Variants in CDC42 observed in about 807,000 individuals in gnomAD.
CDC42 encodes the protein cell division control protein 42 homolog.
Under a neutral mutation model 20.8 loss-of-function variants are expected in CDC42, and 1 was observed. The ratio of observed to expected loss-of-function variants is 0.05; its 90% CI spans 0.02 to 0.23. CDC42 has a LOEUF of 0.23. Ranked by LOEUF, CDC42 falls within the 10% of genes least tolerant of loss-of-function variation. The probability of loss-of-function intolerance (pLI) is 1.00; values close to 1 mark genes in which losing one functional copy is unlikely to be tolerated. For synonymous variants in CDC42, 72 were observed against 84.8 expected, an observed-to-expected ratio of 0.85 and a Z score of 0.83; for missense variants, 49 against 227.9, an observed-to-expected ratio of 0.21 and a Z score of 5.05.
rs1645763856 is a variant in CDC42 at position 22,097,265 on chromosome 1, C to T, written c.*5748C>T. 1.3e-5 allele frequency among the ~76,000 whole-genome samples: 2 copies of T among 152,030 alleles called. No individual in the cohort carries two copies. The highest frequency in any genetic ancestry group is 4.1e-4 in the South Asian group (2 of 4,828). On this transcript the variant is annotated 3_prime_UTR_variant, in exon 6 of 6. Coordinates refer to ENST00000656825, the MANE Select transcript of CDC42 (RefSeq NM_001791.4). The stretch of plus-strand genomic sequence containing the variant: ...TTTACCTCTTAAATCTGTATTATTA[C>T]TTTTTTTTCGAGACCAGATCTTACT...
Position 22,086,660 on chromosome 1 carries a change from T to C in CDC42, c.289-9T>C. The C allele has an allele frequency of 6.2e-7, 1 of 1,611,122 alleles. No homozygotes were observed. Among genetic ancestry groups the C allele is most frequent in the Non-Finnish European group, 8.5e-7 (1 of 1,177,406 alleles). ...TAACAAAGGTGTATTTTAAAATACCTTTTTTTAGTGGGTGCCTGAGATAAC... is the reference window on the plus strand; with the variant it reads ...TAACAAAGGTGTATTTTAAAATACCCTTTTTTAGTGGGTGCCTGAGATAAC... On this transcript the variant is annotated splice_polypyrimidine_tract_variant and intron_variant, in intron 4 of 5. Transcript: ENST00000656825.
chr1:22,085,040 T>G (rs1645647366), intron 3 of CDC42, among the ~76,000 whole-genome samples: 1 of 152,002 alleles, frequency 6.6e-6, no homozygotes, highest in Admixed American at 6.6e-5. Context: ...AAGACCAGCC[T>G]GGCCAACATG....
intron 1 of CDC42, among the ~76,000 whole-genome samples, chr1:22,075,636 CAT>C (rs1645541046): frequency 6.6e-6 from 1 of 152,196 alleles, no homozygotes; most frequent in African/African-American, 2.4e-5. Flanking sequence ...TAATAATTAA[CAT>C]GTACTAAGCA....
intron 1 of CDC42, among the ~76,000 whole-genome samples, chr1:22,067,585 T>A (rs1257538488): frequency 3.9e-5 from 6 of 152,310 alleles, no homozygotes; most frequent in African/African-American, 1.2e-4. Context: ...CCTCAGATGA[T>A]CCGCCTGCCT....
chr1:22,065,217 T>G (rs1323501206), intron 1 of CDC42, among the ~76,000 whole-genome samples: 1 of 152,234 alleles, frequency 6.6e-6, no homozygotes, highest in East Asian at 1.9e-4. Context: ...AACTCTGTCG[T>G]CTTCCTTGGG....
At chr1:22,073,158 T>C (rs1645510882) in intron 1 of CDC42, among the ~76,000 whole-genome samples, 1 of 152,158 alleles carries the variant, frequency 6.6e-6, no homozygotes, top group African/African-American at 2.4e-5. Flanking sequence ...CCATAACCTT[T>C]TAAAATCTGT....
At chr1:22,087,664 T>C (rs1157928223) in intron 5 of CDC42, among the ~76,000 whole-genome samples, 1 of 152,216 alleles carries the variant, frequency 6.6e-6, no homozygotes, top group African/African-American at 2.4e-5. Flanking sequence ...TACTGGTGCT[T>C]TGAAGTTTGA....
chr1:22,081,934 T>G (rs1179568481), intron 3 of CDC42, 140 bp downstream of exon 3: 1 of 625,624 alleles, frequency 1.6e-6, no homozygotes, highest in African/African-American at 1.8e-5. Flanking sequence ...ATATAATGAT[T>G]GTCGATGCTT....
Position 22,075,918 on chromosome 1 carries a change from TAGAA to T in CDC42, c.-50-2508_-50-2505del, listed in dbSNP as rs201007122. ...AAGAAGTGGAAGATTTGTGGGTAAA[TAGAA>T]AGGGGAAGAACAAACTCTTATCTTA... is the stretch of plus-strand genomic sequence containing the variant. On this transcript the variant is annotated intron_variant, in intron 1 of 5. Transcript: ENST00000656825. 1.0e-3 allele frequency among the ~76,000 whole-genome samples: 155 copies of T among 152,216 alleles called. 1 individual carries two copies. Among genetic ancestry groups the T allele is most frequent in the East Asian group, 4.4e-3 (23 of 5,178 alleles).
chr1:22,077,665 A>G (rs906589426), intron 1 of CDC42, among the ~76,000 whole-genome samples: 1 of 152,192 alleles, frequency 6.6e-6, no homozygotes, highest in Non-Finnish European at 1.5e-5. Context: ...TCAAAGATAC[A>G]TTCTGACTTT....
intron 2 of CDC42, chr1:22,078,907 T>TTA (rs1645579181): frequency 4.4e-6 from 5 of 1,130,870 alleles, no homozygotes; most frequent in Non-Finnish European, 4.5e-6. Context: ...TTTTTTTTGA[T>TTA]ATTTTGGCCA....
rs545431529 is a variant in CDC42 at position 22,078,361 on chromosome 1, G to A, written c.-50-68G>A. ...TTTCTTGCTCTGAGTGCCTGAACCT[G>A]TTGCTAAGTGAGGAAGAAAAATCCA... On this transcript the variant is annotated intron_variant, in intron 1 of 5. Transcript: ENST00000656825. 134 of 696,444 alleles carry A rather than the reference G, an allele frequency of 1.9e-4. 3 individuals are homozygous for A. In the South Asian group the frequency reaches 2.8e-3, roughly 14 times the overall value. The allele number at this position is 696,444 out of a possible 1,614,324, so 43.1% of individuals were successfully genotyped here. A position where few individuals can be genotyped will look rare whatever the true frequency, so the allele number is the denominator to read the frequency against.
chr1:22,091,791 G>GTTTTT lies in CDC42; in HGVS notation c.*275_*276insTTTTT, dbSNP rs150558595. The GTTTTT allele has an allele frequency of 0.021, 1,614 of 77,688 alleles. 63 individuals carry two copies. The highest frequency in any genetic ancestry group is 0.036 in the South Asian group (61 of 1,700). The allele number at this position is 77,688 out of a possible 1,614,324, so 4.8% of individuals were successfully genotyped here. On this transcript the variant is annotated 3_prime_UTR_variant, in exon 6 of 6. Coordinates refer to ENST00000656825, the MANE Select transcript of CDC42 (RefSeq NM_001791.4). ...TCAAAAAAAAAATTTTTGTGTGTGT[G>GTTTTT]TGTTTTTTTTTTTTTTTTTTTTGTT...
chr1:22,073,826 T>A (rs1645519089), intron 1 of CDC42, among the ~76,000 whole-genome samples: 1 of 151,712 alleles, frequency 6.6e-6, no homozygotes, highest in African/African-American at 2.4e-5. Context: ...GCTAATTTTT[T>A]TTTTTGTAGA....
intron 3 of CDC42, among the ~76,000 whole-genome samples, chr1:22,082,265 T>A (rs1645615102): frequency 6.6e-6 from 1 of 152,240 alleles, no homozygotes; most frequent in Non-Finnish European, 1.5e-5. Context: ...TTATTATTAC[T>A]CTCTTGATAT....
intron 1 of CDC42, among the ~76,000 whole-genome samples, chr1:22,073,586 A>T (rs1645516568): frequency 6.6e-6 from 1 of 151,884 alleles, no homozygotes; most frequent in South Asian, 2.1e-4. Flanking sequence ...TGGGTATTGG[A>T]GGGGTAGATG....
At chr1:22,077,753 G>A (rs895129656) in intron 1 of CDC42, among the ~76,000 whole-genome samples, 1 of 152,214 alleles carries the variant, frequency 6.6e-6, no homozygotes, top group African/African-American at 2.4e-5. Context: ...TTAAAATGGA[G>A]GAGGACTCTA....
intron 5 of CDC42, chr1:22,090,639 A>G (rs1645706651): frequency 1.0e-6 from 1 of 985,310 alleles, no homozygotes; most frequent in South Asian, 4.7e-5. Flanking sequence ...TTGTTACATT[A>G]TCTTTTAAGA....
chr1:22,061,536 T>C (rs866262527), intron 1 of CDC42, among the ~76,000 whole-genome samples: 79 of 7,182 alleles, frequency 0.011, 1 homozygote, highest in African/African-American at 0.037. Flanking sequence ...TTCTTTCTTT[T>C]TTTTTTTTTT....
Sources: allele counts gnomAD v4.1 joint callset (sites outside exome capture counted in the v4.1 genomes callset), GRCh38; gene constraint gnomAD v4.1.1; transcripts MANE v1.5; gene names NCBI Gene and HGNC (gene_info 2026-07-23, HGNC 2026-07-21).